Variants in RBMS1 observed in about 807,000 individuals in gnomAD.
RBMS1 encodes RNA-binding motif, single-stranded-interacting protein 1.
RBMS1 carries 17 observed loss-of-function variants against 62.3 expected under a neutral mutation model. That is an observed-to-expected ratio of 0.27 (90% CI 0.19 to 0.41). The LOEUF (loss-of-function observed/expected upper bound fraction) is 0.41, where lower values mean the gene tolerates loss of function less well. RBMS1 is among the 10% of genes least tolerant of loss of function. RBMS1 has a pLI of 1.00. For missense variants in RBMS1, 334 were observed against 504.5 expected, an observed-to-expected ratio of 0.66 and a Z score of 3.24; for synonymous variants, 172 against 170.0, an observed-to-expected ratio of 1.01 and a Z score of -0.09.
At chr2:160,364,067 G>C (rs1296228996) in intron 2 of RBMS1, among the ~76,000 whole-genome samples, 3 of 152,346 alleles carry the variant, frequency 2.0e-5, no homozygotes, top group South Asian at 4.1e-4. Context: ...GTCTCAATGA[G>C]AGAAATATTG....
At chr2:160,480,602 T>G (rs1685324552) in intron 1 of RBMS1, among the ~76,000 whole-genome samples, 1 of 152,174 alleles carries the variant, frequency 6.6e-6, no homozygotes, top group East Asian at 1.9e-4. Flanking sequence ...GTTTGGAAGA[T>G]TCATTAGTGT....
chr2:160,277,509 C>A, intron 11 of RBMS1, 126 bp from the exon 12 acceptor site: 1 of 656,268 alleles, frequency 1.5e-6, no homozygotes, highest in African/African-American at 1.8e-5. Context: ...ATGGGCTACA[C>A]CTCAAAGCTT....
At chr2:160,371,453 A>C (rs572790187) in intron 1 of RBMS1, among the ~76,000 whole-genome samples, 1 of 152,324 alleles carries the variant, frequency 6.6e-6, no homozygotes, top group South Asian at 2.1e-4. Flanking sequence ...AAAAGAGCCT[A>C]GTAGTCTCTC....
intron 8 of RBMS1, 32 bp downstream of exon 8, chr2:160,284,963 C>G: frequency 6.2e-7 from 1 of 1,602,194 alleles, no homozygotes; most frequent in Non-Finnish European, 8.6e-7. Flanking sequence ...CATTTTCCCT[C>G]AAGCCATTAT....
At chr2:160,376,496 T>C (rs1694006579) in intron 1 of RBMS1, among the ~76,000 whole-genome samples, 1 of 152,218 alleles carries the variant, frequency 6.6e-6, no homozygotes, top group African/African-American at 2.4e-5. Flanking sequence ...TCAACAATAC[T>C]GTCTACTTTT....
chr2:160,308,311 G>A (rs1689659217), intron 4 of RBMS1, among the ~76,000 whole-genome samples: 1 of 152,020 alleles, frequency 6.6e-6, no homozygotes, highest in African/African-American at 2.4e-5. Flanking sequence ...TGGAAGGATC[G>A]CTTGAACCTG....
chr2:160,476,109 C>A (rs1314776631), intron 1 of RBMS1, among the ~76,000 whole-genome samples: 1 of 152,126 alleles, frequency 6.6e-6, no homozygotes, highest in Non-Finnish European at 1.5e-5. Flanking sequence ...CCACCCACCT[C>A]GGCCTCCCAA....
intron 1 of RBMS1, among the ~76,000 whole-genome samples, chr2:160,407,090 G>T (rs1268529477): frequency 6.6e-6 from 1 of 152,120 alleles, no homozygotes; most frequent in Admixed American, 6.5e-5. Context: ...GGTTCTCTGA[G>T]GTTCCTAGCG....
At chr2:160,423,378 G>T (rs372753394) in intron 1 of RBMS1, among the ~76,000 whole-genome samples, 1 of 151,630 alleles carries the variant, frequency 6.6e-6, no homozygotes, top group East Asian at 2.0e-4. Context: ...AAGCGGGGTG[G>T]GGGGGAGGGA....
chr2:160,472,178 T>C (rs1684947906), intron 1 of RBMS1, among the ~76,000 whole-genome samples: 1 of 152,170 alleles, frequency 6.6e-6, no homozygotes, highest in Non-Finnish European at 1.5e-5. Context: ...CATTTTTGTG[T>C]CAGTTGACAT....
intron 1 of RBMS1, among the ~76,000 whole-genome samples, chr2:160,382,927 T>C (rs1001428125): frequency 1.3e-5 from 2 of 152,170 alleles, no homozygotes; most frequent in Non-Finnish European, 2.9e-5. Context: ...GCCATCCTAA[T>C]ACAATTTAAA....
intron 2 of RBMS1, among the ~76,000 whole-genome samples, chr2:160,356,430 T>TGGTGCTGATGAGGAAGCAAG (rs143979819): frequency 0.054 from 8,159 of 151,812 alleles, 352 homozygotes; most frequent in African/African-American, 0.11. Flanking sequence ...TTGTAGTTTG[T>TGGTGCTGATGAGGAAGCAAG]GGTGCTGATG....
chr2:160,324,882 GTATATA>G (rs201492090), intron 2 of RBMS1, among the ~76,000 whole-genome samples: 2,732 of 99,938 alleles, frequency 0.027, 43 homozygotes, highest in South Asian at 0.062. Flanking sequence ...GTGTGTGTGT[GTATATA>G]TATATATATA....
intron 2 of RBMS1, among the ~76,000 whole-genome samples, chr2:160,352,508 T>C (rs1263107333): frequency 1.3e-5 from 2 of 152,140 alleles, no homozygotes; most frequent in African/African-American, 4.8e-5. Context: ...CAGGCAAATA[T>C]ATAGCACAAC....
At chr2:160,474,764 TA>T (rs1420886331) in intron 1 of RBMS1, among the ~76,000 whole-genome samples, 1 of 152,196 alleles carries the variant, frequency 6.6e-6, no homozygotes, top group African/African-American at 2.4e-5. Flanking sequence ...TATGACCTAT[TA>T]AAGACAGATT....
intron 2 of RBMS1, among the ~76,000 whole-genome samples, chr2:160,342,749 T>G (rs1691942926): frequency 7.2e-6 from 1 of 139,568 alleles, no homozygotes; most frequent in Admixed American, 7.5e-5. Context: ...AAATCCCATC[T>G]CTACTAAAAA....
rs893636669 is a variant in RBMS1 at position 160,393,042 on chromosome 2, A to G, written c.76-25651T>C. On this transcript the variant is annotated intron_variant, in intron 1 of 13. Coordinates refer to ENST00000348849, the MANE Select transcript of RBMS1 (RefSeq NM_016836.4). Reference sequence around the variant, plus strand: ...AACTCGGCAATGAATTGATGTCAAGAACATGGAAGATATATTTCCTTTTTT... The same window carrying G: ...AACTCGGCAATGAATTGATGTCAAGGACATGGAAGATATATTTCCTTTTTT... 3.3e-5 allele frequency among the ~76,000 whole-genome samples: 5 copies of G among 152,202 alleles called. No homozygotes were observed. The South Asian group carries it at 1.0e-3, about 31-fold the overall frequency.
rs867972531 is a variant in RBMS1 at position 160,455,701 on chromosome 2, T to G, written c.75+37588A>C. Among the ~76,000 whole-genome samples the G allele has an allele frequency of 2.9e-3, 410 of 140,520 alleles. 1 individual carries two copies. Among genetic ancestry groups the G allele is most frequent in the African/African-American group, 9.9e-3 (387 of 38,974 alleles). The allele number at this position is 140,520 out of a possible 152,430, so 92.2% of individuals were successfully genotyped here. On this transcript the variant is annotated intron_variant, in intron 1 of 13. Coordinates refer to ENST00000348849, the MANE Select transcript of RBMS1 (RefSeq NM_016836.4). ...TCCCAAGCTTTTTTTTTTTTTTTTT[T>G]GAGACGGAGTCTCGCTCTGTCGCCC...
At chr2:160,463,566 T>C (rs941080756) in intron 1 of RBMS1, among the ~76,000 whole-genome samples, 1 of 152,104 alleles carries the variant, frequency 6.6e-6, no homozygotes, top group Non-Finnish European at 1.5e-5. Context: ...AGGTGGATCA[T>C]CTGAGGTCAG....
Sources: allele counts gnomAD v4.1 joint callset (sites outside exome capture counted in the v4.1 genomes callset), GRCh38; gene constraint gnomAD v4.1.1; transcripts MANE v1.5; gene names NCBI Gene and HGNC (gene_info 2026-07-23, HGNC 2026-07-21).